Variants in EIF3L observed in about 807,000 individuals in gnomAD.
EIF3L encodes eIEF associated protein HSPC021.
Under a neutral mutation model 74.6 loss-of-function variants are expected in EIF3L, and 32 were observed. That is an observed-to-expected ratio of 0.43 (90% CI 0.32 to 0.58). EIF3L has a LOEUF of 0.58. Among genes scored for constraint, EIF3L ranks in the 20% least tolerant of loss-of-function variants. The pLI is 0.06. For synonymous variants in EIF3L, 256 were observed against 254.4 expected (o/e 1.01, Z -0.06); for missense variants, 474 against 707.8 (o/e 0.67, Z 3.75).
At chr22:37,867,657 A>T (rs1346228541) in intron 7 of EIF3L, among the ~76,000 whole-genome samples, 1 of 14,664 alleles carries the variant, frequency 6.8e-5, no homozygotes, top group Non-Finnish European at 1.1e-4. Flanking sequence ...ATTCCGTCTC[A>T]AAAAAAAAAA....
chr22:37,881,907 C>G (rs1055966540), intron 11 of EIF3L: 8 of 152,100 alleles, frequency 5.3e-5, no homozygotes, highest in African/African-American at 1.9e-4. Context: ...TGGCTTATAG[C>G]TATAATCCCA....
At chr22:37,856,060 TA>T (rs1925485788) in intron 4 of EIF3L, among the ~76,000 whole-genome samples, 1 of 151,696 alleles carries the variant, frequency 6.6e-6, no homozygotes, top group African/African-American at 2.4e-5. Flanking sequence ...TTTATTTTAT[TA>T]TTATTATTTT....
intron 4 of EIF3L, among the ~76,000 whole-genome samples, chr22:37,856,671 C>G (rs1925526582): frequency 6.6e-6 from 1 of 151,818 alleles, no homozygotes; most frequent in African/African-American, 2.4e-5. Context: ...GTGGAGAAAC[C>G]CCATCTCTAC....
intron 11 of EIF3L, chr22:37,883,289 T>G (rs1026794056): frequency 1.6e-5 from 1 of 62,362 alleles, no homozygotes; most frequent in African/African-American, 7.1e-5. Flanking sequence ...AGAGTGAAAC[T>G]CCGTCTCAAA....
intron 7 of EIF3L, 73 bp downstream of exon 7, chr22:37,863,418 A>G: frequency 1.6e-6 from 2 of 1,282,446 alleles, no homozygotes; most frequent in Non-Finnish European, 2.2e-6. Context: ...TTGTTTGTGT[A>G]AAAAAGCTGC....
At chr22:37,859,883 G>C (rs938095388) in intron 5 of EIF3L, among the ~76,000 whole-genome samples, 2 of 152,032 alleles carry the variant, frequency 1.3e-5, no homozygotes, top group African/African-American at 4.8e-5. Context: ...GTGGTGGCGG[G>C]TGCCTGTAAT....
At chr22:37,886,219 A>G (rs1393160890) in intron 11 of EIF3L, 1 of 151,066 alleles carries the variant, frequency 6.6e-6, no homozygotes, top group Non-Finnish European at 1.5e-5. Context: ...ACTAGAAAAT[A>G]AAAGACAAAA....
At chr22:37,877,449 G>A (rs1926811232) in intron 10 of EIF3L, 1 of 543,590 alleles carries the variant, frequency 1.8e-6, no homozygotes, top group African/African-American at 1.9e-5. Context: ...AGACAGAGGT[G>A]CCAGTAAGGA....
In EIF3L at chr22:37,870,045, T is replaced by C. The variant is rs139263087; in HGVS notation, c.580-131T>C. 1.4e-3 allele frequency: 960 copies of C among 675,048 alleles called. 2 individuals carry two copies. The highest frequency in any genetic ancestry group is 7.1e-3 in the East Asian group (254 of 35,534). The allele number at this position is 675,048 out of a possible 1,614,324, so 41.8% of individuals were successfully genotyped here. Reference sequence around the variant, plus strand: ...AAACAGTGTACGGAATGGTTTAGAATGAGAAGTGGTCATCTCACCCTCACC... The same window carrying C: ...AAACAGTGTACGGAATGGTTTAGAACGAGAAGTGGTCATCTCACCCTCACC... On this transcript the variant is annotated intron_variant, in intron 7 of 12. Coordinates refer to ENST00000652021, the MANE Select transcript of EIF3L (RefSeq NM_016091.4).
intron 5 of EIF3L, among the ~76,000 whole-genome samples, chr22:37,860,054 C>T (rs540729474): frequency 4.6e-5 from 7 of 152,234 alleles, no homozygotes; most frequent in African/African-American, 1.7e-4. Context: ...TTATATACAC[C>T]AATGACTTAA....
intron 7 of EIF3L, among the ~76,000 whole-genome samples, chr22:37,866,879 C>G (rs547372277): frequency 6.6e-6 from 1 of 152,042 alleles, no homozygotes; most frequent in Non-Finnish European, 1.5e-5. Context: ...AATCAGTGTA[C>G]AGTGGATGAG....
chr22:37,872,942 G>A (rs2145829013), intron 8 of EIF3L, among the ~76,000 whole-genome samples: 1 of 152,120 alleles, frequency 6.6e-6, no homozygotes, highest in South Asian at 2.1e-4. Context: ...AGGTATGACA[G>A]GTTTACTTCA....
chr22:37,859,595 G>C (rs903978260), intron 5 of EIF3L, among the ~76,000 whole-genome samples: 1 of 151,482 alleles, frequency 6.6e-6, no homozygotes, highest in African/African-American at 2.4e-5. Context: ...TGTTAGCCAG[G>C]ATGGTCTCCA....
At chr22:37,875,609 G>A (rs962011086) in intron 9 of EIF3L, among the ~76,000 whole-genome samples, 2 of 152,176 alleles carry the variant, frequency 1.3e-5, no homozygotes, top group Non-Finnish European at 2.9e-5. Flanking sequence ...AGCTGAAGGA[G>A]ATTTTAGGGA....
At chr22:37,867,732 A>G (rs1221800586) in intron 7 of EIF3L, among the ~76,000 whole-genome samples, 1 of 151,082 alleles carries the variant, frequency 6.6e-6, no homozygotes. Context: ...AGGCAGGCGG[A>G]TCATGAGGTC....
chr22:37,859,395 T>TTTTTTTTTTTTTA lies in EIF3L; in HGVS notation c.435+655_435+656insTTTTTTTTTTTTA, dbSNP rs61227504. ...GTTTCTTTTTTTTTTTTTTTTTTTTTGAGAGAGAGTGAGTCTCGCTCTGTC... is the reference window on the plus strand; with the variant it reads ...GTTTCTTTTTTTTTTTTTTTTTTTTTTTTTTTTTTTTTAGAGAGAGAGTGAGTCTCGCTCTGTC... On this transcript the variant is annotated intron_variant, in intron 5 of 12. Transcript: ENST00000652021. Among the ~76,000 whole-genome samples the TTTTTTTTTTTTTA allele has an allele frequency of 2.4e-5, 3 of 122,906 alleles. No homozygotes were observed. In the Admixed American group the frequency reaches 2.5e-4, roughly 10 times the overall value. The allele number at this position is 122,906 out of a possible 152,430, so 80.6% of individuals were successfully genotyped here. A position where few individuals can be genotyped will look rare whatever the true frequency, so the allele number is the denominator to read the frequency against.
intron 11 of EIF3L, 70 bp from the exon 12 acceptor site, chr22:37,886,695 G>T: frequency 7.3e-7 from 1 of 1,361,838 alleles, no homozygotes; most frequent in Non-Finnish European, 1.0e-6. Flanking sequence ...CAAGTCCATG[G>T]TGGCTCCTGG....
intron 11 of EIF3L, chr22:37,880,910 T>C (rs1193530342): frequency 6.6e-6 from 1 of 152,270 alleles, no homozygotes; most frequent in Non-Finnish European, 1.5e-5. Flanking sequence ...CACCGTCCAT[T>C]GTGTGTAGCA....
At chr22:37,859,095 T>C (rs1925700070) in intron 5 of EIF3L, among the ~76,000 whole-genome samples, 1 of 151,648 alleles carries the variant, frequency 6.6e-6, no homozygotes, top group Non-Finnish European at 1.5e-5. Flanking sequence ...AGCCTCTGTT[T>C]CTCTGAGATG....
Sources: allele counts gnomAD v4.1 joint callset (sites outside exome capture counted in the v4.1 genomes callset), GRCh38; gene constraint gnomAD v4.1.1; transcripts MANE v1.5; gene names NCBI Gene and HGNC (gene_info 2026-07-23, HGNC 2026-07-21).